The following KCNH7 variants were observed in gnomAD, a reference collection of about 807,000 sequenced individuals.
KCNH7 encodes the protein potassium voltage-gated channel subfamily H member 7, also known as voltage-gated inwardly rectifying potassium channel KCNH7.
In KCNH7, 49 loss-of-function variants were observed where a neutral mutation model predicts 120.8. The observed-to-expected ratio is 0.41, with a 90% CI of 0.32 to 0.51. The LOEUF is 0.51. Among genes scored for constraint, KCNH7 ranks in the 20% least tolerant of loss-of-function variants. The pLI, the probability that KCNH7 is intolerant of heterozygous loss-of-function variation, is 0.38. For missense variants in KCNH7, 1,097 were observed against 1,446.6 expected (o/e 0.76, Z 3.92); for synonymous variants, 547 against 516.1 (o/e 1.06, Z -0.81).
At chr2:162,692,305 T>C (rs1686141658) in intron 2 of KCNH7, among the ~76,000 whole-genome samples, 1 of 152,076 alleles carries the variant, frequency 6.6e-6, no homozygotes, top group South Asian at 2.1e-4. Flanking sequence ...TTTTGTATTT[T>C]TAGTAGAGAC....
Position 162,803,492 on chromosome 2 carries a change from G to A in KCNH7, c.307+33045C>T, listed in dbSNP as rs1684420216. On this transcript the variant is annotated intron_variant, in intron 2 of 15. Coordinates refer to ENST00000332142, the MANE Select transcript of KCNH7 (RefSeq NM_033272.4). ...AGATGAGGAAAGTGACACTTAGAGT[G>A]TATAATCTCCCCAAGGTAACACAGC... 4.6e-5 allele frequency among the ~76,000 whole-genome samples: 7 copies of A among 151,826 alleles called. No individual in the cohort carries two copies. In the South Asian group the frequency reaches 6.2e-4, roughly 13 times the overall value.
At chr2:162,646,404 A>T (rs1684360657) in intron 2 of KCNH7, among the ~76,000 whole-genome samples, 1 of 151,780 alleles carries the variant, frequency 6.6e-6, no homozygotes, top group Non-Finnish European at 1.5e-5. Context: ...ATTTGTTTCC[A>T]CTCCACACTA....
chr2:162,569,366 G>A (rs10782356), intron 2 of KCNH7, among the ~76,000 whole-genome samples: 21 of 150,784 alleles, frequency 1.4e-4, no homozygotes, highest in African/African-American at 4.1e-4. Flanking sequence ...CTGTGGGATC[G>A]GTGGTGATAT....
At chr2:162,437,810 G>C (rs951054033) in intron 7 of KCNH7, among the ~76,000 whole-genome samples, 4 of 151,956 alleles carry the variant, frequency 2.6e-5, no homozygotes, top group Non-Finnish European at 5.9e-5. Context: ...CTTTTTAAAC[G>C]CAATACTTAG....
chr2:162,400,571 C>G, intron 9 of KCNH7, 130 bp from the exon 10 acceptor site: 1 of 822,634 alleles, frequency 1.2e-6, no homozygotes. Flanking sequence ...TACTCTTCTA[C>G]CTCGCCTACC....
Position 162,757,925 on chromosome 2 carries a change from C to T in KCNH7, c.307+78612G>A, listed in dbSNP as rs1045029836. ...TACCATGCACAACTGAGATATATTC[C>T]TTATTCTCAATAAGCTCACTGTACT... On this transcript the variant is annotated intron_variant, in intron 2 of 15. Coordinates refer to ENST00000332142, the MANE Select transcript of KCNH7 (RefSeq NM_033272.4). Among the ~76,000 whole-genome samples, 5 of 152,090 alleles carry T rather than the reference C, an allele frequency of 3.3e-5. No homozygotes were observed. The East Asian group carries it at 9.7e-4, about 29-fold the overall frequency.
At chr2:162,742,118 T>C (rs531140682) in intron 2 of KCNH7, among the ~76,000 whole-genome samples, 118 of 152,324 alleles carry the variant, frequency 7.7e-4, no homozygotes, top group Middle Eastern at 3.4e-3. Context: ...TCTAGATATT[T>C]GCCTTGTTGA....
At chr2:162,461,332 T>C (rs1383068311) in intron 6 of KCNH7, among the ~76,000 whole-genome samples, 1 of 152,198 alleles carries the variant, frequency 6.6e-6, no homozygotes, top group Non-Finnish European at 1.5e-5. Flanking sequence ...ATTTTCTTAC[T>C]AGCAAAATGA....
chr2:162,662,760 T>C (rs942378509), intron 2 of KCNH7, among the ~76,000 whole-genome samples: 1 of 152,226 alleles, frequency 6.6e-6, no homozygotes, highest in Non-Finnish European at 1.5e-5. Flanking sequence ...CCTAAAAGTG[T>C]ATAAACTCCA....
At chr2:162,454,217 T>C (rs1424042204) in intron 6 of KCNH7, among the ~76,000 whole-genome samples, 1 of 152,138 alleles carries the variant, frequency 6.6e-6, no homozygotes, top group Non-Finnish European at 1.5e-5. Flanking sequence ...AGGGAATCCT[T>C]TCCTCATTGC....
intron 2 of KCNH7, among the ~76,000 whole-genome samples, chr2:162,791,453 A>G (rs2105518881): frequency 6.6e-6 from 1 of 151,982 alleles, no homozygotes; most frequent in South Asian, 2.1e-4. Context: ...GTCACCTCTG[A>G]TTTCTTTGAG....
rs552932588 is a variant in KCNH7, at chr2:162,383,079, G to A, written c.2962+1609C>T. Among the ~76,000 whole-genome samples the A allele has an allele frequency of 4.1e-4, 62 of 151,984 alleles. No individual in the cohort carries two copies. The South Asian group carries it at 0.011, about 26-fold the overall frequency. ...GTAGCAAAGAAAAGTATATGAAGAAGGGCATGAGAATTCATTGTCAGTGAG... is the reference window on the plus strand; with the variant it reads ...GTAGCAAAGAAAAGTATATGAAGAAAGGCATGAGAATTCATTGTCAGTGAG... On this transcript the variant is annotated intron_variant, in intron 13 of 15. Coordinates refer to ENST00000332142, the MANE Select transcript of KCNH7 (RefSeq NM_033272.4).
At chr2:162,474,665 C>G (rs938994062) in intron 6 of KCNH7, among the ~76,000 whole-genome samples, 1 of 152,268 alleles carries the variant, frequency 6.6e-6, no homozygotes, top group Non-Finnish European at 1.5e-5. Flanking sequence ...CTCTCATACT[C>G]TCTCTTAGGC....
At chr2:162,459,007 A>AAATAATAATAATAATAATAAT (rs71009358) in intron 6 of KCNH7, among the ~76,000 whole-genome samples, 7 of 134,842 alleles carry the variant, frequency 5.2e-5, no homozygotes, top group Non-Finnish European at 1.1e-4. Flanking sequence ...TTCTGTTTCA[A>AAATAATAATAATAATAATAAT]AATAATAATA....
chr2:162,703,137 A>G (rs1686573660), intron 2 of KCNH7, among the ~76,000 whole-genome samples: 1 of 152,154 alleles, frequency 6.6e-6, no homozygotes, highest in Non-Finnish European at 1.5e-5. Context: ...AAATAAGTAT[A>G]GTATTTTGAG....
At chr2:162,665,456 T>C (rs1481878587) in intron 2 of KCNH7, among the ~76,000 whole-genome samples, 1 of 152,136 alleles carries the variant, frequency 6.6e-6, no homozygotes, top group Admixed American at 6.5e-5. Context: ...CACTAACATA[T>C]TTTTTATGTA....
In KCNH7 at chr2:162,583,851, T is replaced by C. The variant is rs201770736; in HGVS notation, c.308-46771A>G. ...GAGCAAACAGGGCACTGGCCACTGA[T>C]GCAGATTATTTTGTAGTAATCACAC... is the stretch of plus-strand genomic sequence containing the variant. On this transcript the variant is annotated intron_variant, in intron 2 of 15. Transcript: ENST00000332142. Among the ~76,000 whole-genome samples the C allele has an allele frequency of 2.2e-4, 34 of 152,250 alleles. No individual in the cohort carries two copies. The South Asian group carries it at 6.2e-3, about 28-fold the overall frequency.
chr2:162,834,416 T>G (rs1685581704), intron 2 of KCNH7, among the ~76,000 whole-genome samples: 1 of 152,054 alleles, frequency 6.6e-6, no homozygotes, highest in Non-Finnish European at 1.5e-5. Context: ...AATAGGTAGA[T>G]TTTATAGTTA....
At chr2:162,408,401 C>T (rs1233553850) in intron 9 of KCNH7, among the ~76,000 whole-genome samples, 1 of 151,944 alleles carries the variant, frequency 6.6e-6, no homozygotes, top group Non-Finnish European at 1.5e-5. Context: ...CGGAAGTTAT[C>T]TTCCTCTACC....
Sources: allele counts gnomAD v4.1 joint callset (sites outside exome capture counted in the v4.1 genomes callset), GRCh38; gene constraint gnomAD v4.1.1; transcripts MANE v1.5; gene names NCBI Gene and HGNC (gene_info 2026-07-23, HGNC 2026-07-21).